The following HS6ST3 variants were observed in gnomAD, a reference collection of about 807,000 sequenced individuals.
The protein encoded by HS6ST3 is heparan sulfate 6-O-sulfotransferase 3.
HS6ST3 carries 12 observed loss-of-function variants against 36.7 expected under a neutral mutation model. The ratio of observed to expected loss-of-function variants is 0.33; its 90% CI spans 0.21 to 0.53. The LOEUF (loss-of-function observed/expected upper bound fraction) is 0.53, where lower values mean the gene tolerates loss of function less well. Among genes scored for constraint, HS6ST3 ranks in the 20% least tolerant of loss-of-function variants. HS6ST3 has a pLI of 0.95. For synonymous variants in HS6ST3, 240 were observed against 257.5 expected, an observed-to-expected ratio of 0.93 and a Z score of 0.65; for missense variants, 584 against 640.9, an observed-to-expected ratio of 0.91 and a Z score of 0.96.
chr13:96,096,312 T>C (rs1250881098), intron 1 of HS6ST3, among the ~76,000 whole-genome samples: 2 of 152,158 alleles, frequency 1.3e-5, no homozygotes, highest in Non-Finnish European at 2.9e-5. Context: ...TAATAAAATT[T>C]ATAACTGTCT....
intron 1 of HS6ST3, among the ~76,000 whole-genome samples, chr13:96,757,800 T>G (rs1876870655): frequency 6.6e-6 from 1 of 152,180 alleles, no homozygotes; most frequent in African/African-American, 2.4e-5. Context: ...AAACCAATCT[T>G]CCATTGCCTG....
At chr13:96,620,115 G>T (rs541150579) in intron 1 of HS6ST3, among the ~76,000 whole-genome samples, 11 of 152,332 alleles carry the variant, frequency 7.2e-5, no homozygotes, top group African/African-American at 2.6e-4. Context: ...CATTGGGGAT[G>T]GGGATGCCCA....
chr13:96,135,356 G>A (rs2053996497), intron 1 of HS6ST3, among the ~76,000 whole-genome samples: 1 of 152,088 alleles, frequency 6.6e-6, no homozygotes, highest in Non-Finnish European at 1.5e-5. Flanking sequence ...CTCTGTTATG[G>A]TAAGAACACA....
At chr13:96,194,774 A>G (rs954705922) in intron 1 of HS6ST3, among the ~76,000 whole-genome samples, 5 of 143,346 alleles carry the variant, frequency 3.5e-5, no homozygotes, top group African/African-American at 1.3e-4. Context: ...CATCCATTTC[A>G]CTCACCCCCA....
intron 1 of HS6ST3, among the ~76,000 whole-genome samples, chr13:96,293,891 G>A (rs544659808): frequency 6.6e-6 from 1 of 152,204 alleles, no homozygotes; most frequent in South Asian, 2.1e-4. Context: ...GGTGATAGAG[G>A]ATGTTAGTTG....
chr13:96,489,375 A>AACAC (rs67334904), intron 1 of HS6ST3, among the ~76,000 whole-genome samples: 3,614 of 148,060 alleles, frequency 0.024, 45 homozygotes, highest in Middle Eastern at 0.034. Context: ...TGTATATACA[A>AACAC]ACACACACAC....
At chr13:96,800,534 A>C (rs1274464287) in intron 1 of HS6ST3, among the ~76,000 whole-genome samples, 1 of 152,104 alleles carries the variant, frequency 6.6e-6, no homozygotes, top group African/African-American at 2.4e-5. Context: ...CAAAACTTTG[A>C]AATCTGGGGC....
Position 96,327,226 on chromosome 13 carries a change from C to T in HS6ST3, c.707+235657C>T, listed in dbSNP as rs1207346296. On this transcript the variant is annotated intron_variant, in intron 1 of 1. Coordinates refer to ENST00000376705, the MANE Select transcript of HS6ST3 (RefSeq NM_153456.4). ...ATTCTGGCTTTTGTTGCCATTGCTT[C>T]TGGTGTTTTAGACATGAAGTCCTTG... Among the ~76,000 whole-genome samples, 526 of 151,834 alleles carry T rather than the reference C, an allele frequency of 3.5e-3. 8 individuals carry two copies. Among genetic ancestry groups the T allele is most frequent in the African/African-American group, 0.012 (506 of 41,374 alleles).
intron 1 of HS6ST3, among the ~76,000 whole-genome samples, chr13:96,550,802 G>C (rs918583152): frequency 6.6e-6 from 1 of 152,052 alleles, no homozygotes; most frequent in Non-Finnish European, 1.5e-5. Flanking sequence ...AAATGTTTAT[G>C]TTAATTTCTT....
chr13:96,317,378 A>ATAAAAT (rs2054980372), intron 1 of HS6ST3, among the ~76,000 whole-genome samples: 1 of 101,324 alleles, frequency 9.9e-6, no homozygotes, highest in African/African-American at 3.8e-5. Flanking sequence ...AAAATTATAT[A>ATAAAAT]TATATATATA....
At chr13:96,144,045 A>G in intron 1 of HS6ST3, among the ~76,000 whole-genome samples, 1 of 152,188 alleles carries the variant, frequency 6.6e-6, no homozygotes, top group East Asian at 1.9e-4. Flanking sequence ...TGATACAGTG[A>G]AAAGCTTTGA....
intron 1 of HS6ST3, among the ~76,000 whole-genome samples, chr13:96,224,174 G>C (rs1011761918): frequency 6.6e-6 from 1 of 152,160 alleles, no homozygotes; most frequent in African/African-American, 2.4e-5. Flanking sequence ...ATCAGCCTCT[G>C]TGGTGCTTTC....
chr13:96,397,246 T>G (rs1439081026), intron 1 of HS6ST3, among the ~76,000 whole-genome samples: 1 of 152,134 alleles, frequency 6.6e-6, no homozygotes, highest in Non-Finnish European at 1.5e-5. Context: ...CATTTTTAGA[T>G]TAAATAATTT....
At chr13:96,422,441 G>C (rs1031801026) in intron 1 of HS6ST3, among the ~76,000 whole-genome samples, 1 of 152,192 alleles carries the variant, frequency 6.6e-6, no homozygotes, top group Admixed American at 6.5e-5. Context: ...GGACTTGGTA[G>C]AAGATCCTTG....
intron 1 of HS6ST3, among the ~76,000 whole-genome samples, chr13:96,545,055 T>G (rs1386680263): frequency 6.6e-6 from 1 of 152,196 alleles, no homozygotes; most frequent in Non-Finnish European, 1.5e-5. Flanking sequence ...CTGGTGAATA[T>G]ATAATAGAAA....
At chr13:96,810,041 T>G (rs574933741) in intron 1 of HS6ST3, among the ~76,000 whole-genome samples, 9 of 152,084 alleles carry the variant, frequency 5.9e-5, no homozygotes, top group African/African-American at 2.2e-4. Context: ...GAATCAAAGT[T>G]CTGCTTGATT....
At chr13:96,384,918 G>C (rs570724599) in intron 1 of HS6ST3, among the ~76,000 whole-genome samples, 2 of 152,204 alleles carry the variant, frequency 1.3e-5, no homozygotes, top group Admixed American at 1.3e-4. Context: ...AGTGACTCAC[G>C]CCTGTAATCC....
At chr13:96,355,412 AAC>A (rs2055205574) in intron 1 of HS6ST3, among the ~76,000 whole-genome samples, 7 of 135,818 alleles carry the variant, frequency 5.2e-5, no homozygotes, top group Admixed American at 4.4e-4. Flanking sequence ...CAAACACACA[AAC>A]ACACACACAC....
intron 1 of HS6ST3, among the ~76,000 whole-genome samples, chr13:96,592,006 T>C (rs2056384157): frequency 6.6e-6 from 1 of 152,172 alleles, no homozygotes; most frequent in Non-Finnish European, 1.5e-5. Flanking sequence ...CATTAACTGA[T>C]GTGCAAATGT....
Sources: allele counts gnomAD v4.1 joint callset (sites outside exome capture counted in the v4.1 genomes callset), GRCh38; gene constraint gnomAD v4.1.1; transcripts MANE v1.5; gene names NCBI Gene and HGNC (gene_info 2026-07-23, HGNC 2026-07-21).